GRM7: variants seen among roughly 807,000 people sequenced by gnomAD.
GRM7 encodes the protein glutamate metabotropic receptor 7, also known as metabotropic glutamate receptor 7.
In GRM7, 35 loss-of-function variants were observed where a neutral mutation model predicts 84.5. The observed-to-expected ratio is 0.41, with a 90% CI of 0.32 to 0.55. GRM7 has a LOEUF of 0.55. Among genes scored for constraint, GRM7 ranks in the 20% least tolerant of loss-of-function variants. The pLI is 0.19. For synonymous variants in GRM7, 487 were observed against 455.1 expected, an observed-to-expected ratio of 1.07 and a Z score of -0.89; for missense variants, 1,003 against 1,194.6, an observed-to-expected ratio of 0.84 and a Z score of 2.36.
chr3:7,276,805 T>TCCCTTCCTCCCTCCCTCCTCCC (rs1699086677), intron 2 of GRM7, among the ~76,000 whole-genome samples: 1 of 1,344 alleles, frequency 7.4e-4, no homozygotes, highest in African/African-American at 8.7e-4. Flanking sequence ...CTTCCTTCCT[T>TCCCTTCCTCCCTCCCTCCTCCC]TTTGGTGGTG....
At chr3:6,931,700 C>T (rs1436132325) in intron 1 of GRM7, among the ~76,000 whole-genome samples, 2 of 152,168 alleles carry the variant, frequency 1.3e-5, no homozygotes, top group Non-Finnish European at 1.5e-5. Flanking sequence ...TGTAATTATT[C>T]CTTGATATGT....
chr3:7,377,723 A>T (rs74438980), intron 4 of GRM7, among the ~76,000 whole-genome samples: 1,686 of 152,278 alleles, frequency 0.011, 32 homozygotes, highest in African/African-American at 0.039. Context: ...AGTAAAAGAC[A>T]CCAATTCTTC....
intron 1 of GRM7, among the ~76,000 whole-genome samples, chr3:6,927,479 AAGAAAGAAAG>A (rs777739016): frequency 1.3e-5 from 1 of 79,018 alleles, no homozygotes; most frequent in Non-Finnish European, 3.7e-5. Flanking sequence ...GAAAGAAAGA[AAGAAAGAAAG>A]AAAGAAAGAA....
At chr3:6,895,058 C>T (rs984031255) in intron 1 of GRM7, among the ~76,000 whole-genome samples, 2 of 152,166 alleles carry the variant, frequency 1.3e-5, no homozygotes, top group African/African-American at 2.4e-5. Context: ...AAAAGCCGCT[C>T]TTTCTGGGTT....
At chr3:7,690,580 C>T (rs927602892) in intron 9 of GRM7, among the ~76,000 whole-genome samples, 9 of 152,098 alleles carry the variant, frequency 5.9e-5, no homozygotes, top group Non-Finnish European at 1.3e-4. Context: ...GGTGTCAGTG[C>T]CACATCTCAG....
Position 7,099,932 on chromosome 3 carries a change from ATT to A in GRM7, c.520-46519_520-46518del, listed in dbSNP as rs1417989393. ...TATATAATATTAATATATTATATAT[ATT>A]ATGATATACATTATGTATATATACA... On this transcript the variant is annotated intron_variant, in intron 1 of 9. Transcript: ENST00000357716. Among the ~76,000 whole-genome samples, 3 of 147,428 alleles carry A rather than the reference ATT, an allele frequency of 2.0e-5. No homozygotes were observed. In the South Asian group the frequency reaches 6.3e-4, roughly 31 times the overall value.
chr3:7,058,961 G>A (rs1334162657), intron 1 of GRM7, among the ~76,000 whole-genome samples: 1 of 151,912 alleles, frequency 6.6e-6, no homozygotes, highest in Non-Finnish European at 1.5e-5. Flanking sequence ...GCTTGGACTA[G>A]TATAAGCATG....
intron 4 of GRM7, among the ~76,000 whole-genome samples, chr3:7,354,118 A>C (rs934469617): frequency 6.6e-6 from 1 of 152,130 alleles, no homozygotes; most frequent in Admixed American, 6.6e-5. Flanking sequence ...AGTCCTTTGT[A>C]TAATACTAAA....
At chr3:7,317,713 A>C (rs2125049387) in intron 4 of GRM7, among the ~76,000 whole-genome samples, 1 of 152,130 alleles carries the variant, frequency 6.6e-6, no homozygotes, top group South Asian at 2.1e-4. Flanking sequence ...AGTGGACAGG[A>C]TTAAGAGGTT....
intron 1 of GRM7, among the ~76,000 whole-genome samples, chr3:6,906,318 T>C (rs1696577226): frequency 6.6e-6 from 1 of 152,150 alleles, no homozygotes; most frequent in African/African-American, 2.4e-5. Context: ...ATGCTGAAGC[T>C]AAGTCAGTGC....
chr3:6,926,942 A>G (rs1173215226), intron 1 of GRM7, among the ~76,000 whole-genome samples: 1 of 152,178 alleles, frequency 6.6e-6, no homozygotes, highest in African/African-American at 2.4e-5. Context: ...TCATTGAGCC[A>G]AAATAGACTT....
At chr3:7,139,193 A>C (rs1693865929) in intron 1 of GRM7, among the ~76,000 whole-genome samples, 1 of 150,606 alleles carries the variant, frequency 6.6e-6, no homozygotes, top group Non-Finnish European at 1.5e-5. Context: ...TTAATTGGTA[A>C]AGAGAGAAAG....
chr3:7,390,685 T>G (rs967142003), intron 4 of GRM7, among the ~76,000 whole-genome samples: 1 of 152,186 alleles, frequency 6.6e-6, no homozygotes, highest in Admixed American at 6.5e-5. Flanking sequence ...TGTAGTGAAT[T>G]TTTTAATTCC....
Position 7,029,316 on chromosome 3 carries a change from A to AAAC in GRM7, c.520-117134_520-117133insCAA, listed in dbSNP as rs770767016. On this transcript the variant is annotated intron_variant, in intron 1 of 9. Coordinates refer to ENST00000357716, the MANE Select transcript of GRM7 (RefSeq NM_000844.4). ...GACTCTGCCTCAAAAAAAAAAAAAC[A>AAAC]AAAAAAAAAAACAAACAAAAAAAAC... Among the ~76,000 whole-genome samples the AAAC allele has an allele frequency of 1.7e-3, 156 of 91,978 alleles. 1 individual carries two copies. The highest frequency in any genetic ancestry group is 5.6e-3 in the South Asian group (13 of 2,306). 60.3% of individuals were successfully genotyped at this position (91,978 alleles called of 152,430 possible). A position where few individuals can be genotyped will look rare whatever the true frequency, so the allele number is the denominator to read the frequency against.
At chr3:7,291,018 TC>T (rs1360365364) in intron 2 of GRM7, among the ~76,000 whole-genome samples, 1 of 152,086 alleles carries the variant, frequency 6.6e-6, no homozygotes, top group Non-Finnish European at 1.5e-5. Flanking sequence ...CCACTCTGTC[TC>T]CCTCTCTCAC....
chr3:6,966,169 T>A (rs972077177), intron 1 of GRM7, among the ~76,000 whole-genome samples: 1 of 152,248 alleles, frequency 6.6e-6, no homozygotes, highest in Admixed American at 6.5e-5. Flanking sequence ...TGAGCTAGAT[T>A]CATGGAATTT....
intron 1 of GRM7, among the ~76,000 whole-genome samples, chr3:6,914,767 T>G (rs1696887569): frequency 6.6e-6 from 1 of 152,120 alleles, no homozygotes; most frequent in South Asian, 2.1e-4. Context: ...TATTAACAAT[T>G]TTTTTCAGTT....
At chr3:7,136,333 C>T (rs1009487098) in intron 1 of GRM7, among the ~76,000 whole-genome samples, 9 of 151,934 alleles carry the variant, frequency 5.9e-5, no homozygotes, top group Non-Finnish European at 1.3e-4. Flanking sequence ...GCAGAAACTG[C>T]CTCTTTAAAA....
chr3:7,124,467 T>C (rs1006130132), intron 1 of GRM7, among the ~76,000 whole-genome samples: 1 of 152,100 alleles, frequency 6.6e-6, no homozygotes, highest in African/African-American at 2.4e-5. Flanking sequence ...GATCGCACCA[T>C]TGCGCTCCAA....
Sources: allele counts gnomAD v4.1 joint callset (sites outside exome capture counted in the v4.1 genomes callset), GRCh38; gene constraint gnomAD v4.1.1; transcripts MANE v1.5; gene names NCBI Gene and HGNC (gene_info 2026-07-23, HGNC 2026-07-21).